HERPUD2: variants seen among roughly 807,000 people sequenced by gnomAD.
HERPUD2 encodes homocysteine-responsive endoplasmic reticulum-resident ubiquitin-like domain member 2 protein.
A neutral mutation model predicts 49.9 loss-of-function variants in HERPUD2; 13 were observed. The ratio of observed to expected loss-of-function variants is 0.26; its 90% CI spans 0.17 to 0.41. HERPUD2 has a LOEUF of 0.41. HERPUD2 is among the 10% of genes least tolerant of loss of function. HERPUD2 has a pLI of 1.00. For missense variants in HERPUD2, 449 were observed against 492.2 expected (o/e 0.91, Z 0.83); for synonymous variants, 172 against 171.4 (o/e 1.00, Z -0.03).
chr7:35,655,039 A>T (rs1185721168), intron 5 of HERPUD2, among the ~76,000 whole-genome samples: 1 of 152,122 alleles, frequency 6.6e-6, no homozygotes, highest in African/African-American at 2.4e-5. Context: ...ATTAGTAGAG[A>T]CAGGGTTTCA....
chr7:35,678,811 A>G (rs904990897), intron 2 of HERPUD2, among the ~76,000 whole-genome samples: 23 of 152,170 alleles, frequency 1.5e-4, no homozygotes, highest in African/African-American at 5.1e-4. Flanking sequence ...TGCTTTCTAC[A>G]TGGGTAATCT....
In HERPUD2 at chr7:35,670,210, C is replaced by T; in HGVS notation, c.339+5G>A. 1 of 1,461,974 alleles carries T rather than the reference C, an allele frequency of 6.8e-7. No homozygotes were observed. The highest frequency in any genetic ancestry group is 9.4e-7 in the Non-Finnish European group (1 of 1,068,326). The allele number at this position is 1,461,974 out of a possible 1,614,324, so 90.6% of individuals were successfully genotyped here. On this transcript the variant is annotated splice_donor_5th_base_variant and intron_variant, in intron 4 of 8. Transcript: ENST00000311350. ...TCAATGTTTACTCCTCCCAAAACAA[C>T]TCACAGAATTGCTGCTGGATGCCAA...
rs144332852 is a variant in HERPUD2 at position 35,694,315 on chromosome 7, T to A, written c.16A>T (p.Met6Leu). ...ATGATGAGGGTCACAGGAATCTCCA[T>A]CCCACTTTGGTCCATGGTGCCCCCA... MDQSG[M>L]EIPVTLIIKA... Residue 6 changes from methionine to leucine, a missense_variant, in exon 2 of 9, where the codon ATG becomes TTG. Met to Leu is a conservative substitution (Grantham distance 15). Transcript: ENST00000311350. 5.1e-5 allele frequency: 82 copies of A among 1,614,116 alleles called. No individual in the cohort carries two copies. In the African/African-American group the frequency reaches 1.1e-3, roughly 21 times the overall value.
intron 2 of HERPUD2, among the ~76,000 whole-genome samples, chr7:35,689,115 CA>C (rs928446939): frequency 2.6e-5 from 4 of 152,046 alleles, no homozygotes; most frequent in African/African-American, 9.7e-5. Flanking sequence ...AAAAGTTCTA[CA>C]AAAATTCTAT....
At chr7:35,689,199 G>C (rs149149521) in intron 2 of HERPUD2, among the ~76,000 whole-genome samples, 1 of 152,036 alleles carries the variant, frequency 6.6e-6, no homozygotes, top group Non-Finnish European at 1.5e-5. Context: ...AAGACATAAG[G>C]CTACAAATAC....
chr7:35,686,158 C>A (rs904698744), intron 2 of HERPUD2, among the ~76,000 whole-genome samples: 6 of 151,574 alleles, frequency 4.0e-5, no homozygotes, highest in Non-Finnish European at 8.8e-5. Context: ...GTTATTTATC[C>A]AGCCCTGCTA....
chr7:35,691,748 CTG>C (rs1453279282), intron 2 of HERPUD2, among the ~76,000 whole-genome samples: 1 of 152,148 alleles, frequency 6.6e-6, no homozygotes, highest in Non-Finnish European at 1.5e-5. Flanking sequence ...TAATAGCAAA[CTG>C]TGCTGAATTC....
chr7:35,635,163 C>T lies in HERPUD2; in HGVS notation c.913G>A (p.Val305Ile), dbSNP rs1784849255. The change falls in exon 7 of 9, where the codon GTA (valine) becomes ATA (isoleucine). Residue 305 changes from valine to isoleucine, a missense_variant. Physicochemically the swap from Val to Ile is conservative, Grantham distance 29. Coordinates refer to ENST00000311350, the MANE Select transcript of HERPUD2 (RefSeq NM_022373.5). ...TAAACCAGTAGCATGGCTCCCATTA[C>T]CATGATAAACCGACTAAAAGAAGAA... ...FYSSFSRFIM[V>I]MGAMLLVYLH... 1.2e-6 allele frequency: 2 copies of T among 1,613,948 alleles called. No homozygotes were observed. Among genetic ancestry groups the T allele is most frequent in the Non-Finnish European group, 8.5e-7 (1 of 1,179,840 alleles).
chr7:35,676,389 A>C (rs2115993743), intron 2 of HERPUD2, among the ~76,000 whole-genome samples: 1 of 152,262 alleles, frequency 6.6e-6, no homozygotes, highest in East Asian at 1.9e-4. Flanking sequence ...GGGAACCTCA[A>C]ATTGCACATT....
At chr7:35,692,666 T>C (rs1786218117) in intron 2 of HERPUD2, among the ~76,000 whole-genome samples, 1 of 152,188 alleles carries the variant, frequency 6.6e-6, no homozygotes, top group African/African-American at 2.4e-5. Flanking sequence ...CTACTAAAAA[T>C]ATTTGTATCA....
intron 5 of HERPUD2, among the ~76,000 whole-genome samples, chr7:35,653,246 G>C (rs1257611291): frequency 1.3e-5 from 2 of 151,968 alleles, no homozygotes; most frequent in Admixed American, 6.6e-5. Flanking sequence ...TATTCCAAGT[G>C]AACAAAAATC....
intron 4 of HERPUD2, among the ~76,000 whole-genome samples, chr7:35,667,968 A>G (rs1292584809): frequency 6.6e-6 from 1 of 152,196 alleles, no homozygotes; most frequent in East Asian, 1.9e-4. Context: ...AAAGTGTTCA[A>G]TAAATGGTAC....
chr7:35,684,017 A>G (rs1785974267), intron 2 of HERPUD2, among the ~76,000 whole-genome samples: 1 of 152,222 alleles, frequency 6.6e-6, no homozygotes, highest in African/African-American at 2.4e-5. Flanking sequence ...TTAAAGAACT[A>G]AAAGTAGAAC....
intron 5 of HERPUD2, among the ~76,000 whole-genome samples, chr7:35,653,813 T>C (rs903007667): frequency 1.2e-4 from 18 of 151,226 alleles, no homozygotes; most frequent in African/African-American, 3.6e-4. Context: ...TAAATGACCA[T>C]TGGGCCAAGG....
At chr7:35,669,567 TG>T (rs1287458315) in intron 4 of HERPUD2, among the ~76,000 whole-genome samples, 1 of 152,182 alleles carries the variant, frequency 6.6e-6, no homozygotes, top group Non-Finnish European at 1.5e-5. Flanking sequence ...ATAAAAGGAT[TG>T]GGGACAATGT....
chr7:35,648,297 A>G (rs1274451240), intron 5 of HERPUD2, among the ~76,000 whole-genome samples: 1 of 152,202 alleles, frequency 6.6e-6, no homozygotes, highest in Non-Finnish European at 1.5e-5. Context: ...AATAAAACTG[A>G]CCAAATATTT....
At chr7:35,673,601 A>T (rs1304099507) in intron 2 of HERPUD2, among the ~76,000 whole-genome samples, 1 of 152,154 alleles carries the variant, frequency 6.6e-6, no homozygotes, top group Non-Finnish European at 1.5e-5. Flanking sequence ...GACTATCATT[A>T]AAAAATCTTC....
intron 2 of HERPUD2, among the ~76,000 whole-genome samples, chr7:35,692,805 A>T (rs1358378874): frequency 1.3e-5 from 2 of 152,222 alleles, no homozygotes; most frequent in East Asian, 3.8e-4. Flanking sequence ...TAATACTACA[A>T]CACTGAAATG....
chr7:35,635,141 A>G lies in HERPUD2; in HGVS notation c.935T>C (p.Val312Ala). The G allele has an allele frequency of 6.2e-7, 1 of 1,611,532 alleles. No homozygotes were observed. The change falls in exon 7 of 9, where the codon GTT becomes GCT. Residue 312 changes from valine (V) to alanine (A), a missense_variant. Transcript: ENST00000311350. The stretch of plus-strand genomic sequence containing the variant: ...GTTAATGAACATCACTCACAAATAA[A>G]CCAGTAGCATGGCTCCCATTACCAT... Reference protein sequence around the residue: ...FIMVMGAMLLVYLHQAGWFPF... With the variant: ...FIMVMGAMLLAYLHQAGWFPF...
Sources: allele counts gnomAD v4.1 joint callset (sites outside exome capture counted in the v4.1 genomes callset), GRCh38; gene constraint gnomAD v4.1.1; transcripts MANE v1.5; gene names NCBI Gene and HGNC (gene_info 2026-07-23, HGNC 2026-07-21).